Variants in TES observed in about 807,000 individuals in gnomAD.
TES encodes testin LIM domain protein, also known as testin.
In TES, 41 loss-of-function variants were observed where a neutral mutation model predicts 48.2. The ratio of observed to expected loss-of-function variants is 0.85; its 90% CI spans 0.66 to 1.10. The LOEUF (loss-of-function observed/expected upper bound fraction) is 1.10, where lower values mean the gene tolerates loss of function less well. Ranked by LOEUF, TES falls within the 50% of genes least tolerant of loss-of-function variation. The pLI, the probability that TES is intolerant of heterozygous loss-of-function variation, is 0.00. For synonymous variants in TES, 162 were observed against 174.9 expected, an observed-to-expected ratio of 0.93 and a Z score of 0.58; for missense variants, 463 against 515.1, an observed-to-expected ratio of 0.90 and a Z score of 0.98.
intron 6 of TES, among the ~76,000 whole-genome samples, chr7:116,256,613 G>A (rs1218769086): frequency 6.6e-6 from 1 of 152,126 alleles, no homozygotes; most frequent in Non-Finnish European, 1.5e-5. Flanking sequence ...GTATGTTTGT[G>A]TATGTATATA....
chr7:116,239,744 A>C (rs1234049422), intron 2 of TES, among the ~76,000 whole-genome samples: 1 of 152,208 alleles, frequency 6.6e-6, no homozygotes, highest in African/African-American at 2.4e-5. Flanking sequence ...ACAGTAGAGG[A>C]AAATAAAAGG....
intron 1 of TES, among the ~76,000 whole-genome samples, chr7:116,231,815 C>T (rs1439688818): frequency 6.6e-6 from 1 of 152,120 alleles, no homozygotes; most frequent in Non-Finnish European, 1.5e-5. Flanking sequence ...TGCTGGTCAG[C>T]TGTGAAGCAG....
intron 2 of TES, among the ~76,000 whole-genome samples, chr7:116,241,228 A>G (rs1008817827): frequency 2.0e-5 from 3 of 152,226 alleles, no homozygotes; most frequent in African/African-American, 7.2e-5. Flanking sequence ...GGTATTTCTA[A>G]AAGTAAAATG....
chr7:116,228,549 T>C (rs995849775), intron 1 of TES, among the ~76,000 whole-genome samples: 2 of 152,224 alleles, frequency 1.3e-5, no homozygotes, highest in African/African-American at 4.8e-5. Context: ...TCACATTTAC[T>C]GTTGAAATTA....
At position 116,251,783 on chromosome 7, in the gene TES, T is replaced by C. The variant is rs1367462840; in HGVS notation, c.726T>C (p.Ser242=). 2 of 1,613,868 alleles carry C rather than the reference T, an allele frequency of 1.2e-6. No homozygotes were observed. Among genetic ancestry groups the C allele is most frequent in the Admixed American group, 3.3e-5 (2 of 60,014 alleles). Residue 242 remains serine, a synonymous_variant, in exon 5 of 7, where the codon AGT becomes AGC. Transcript: ENST00000358204. The stretch of plus-strand genomic sequence containing the variant: ...AGTCCTGCTATTGCTGCAAACTGAG[T>C]ATGAAAGAAGGTGACCCAGCCATCT... ...TQYSCYCCKL[S]MKEGDPAIYA...
chr7:116,231,777 C>T (rs896773488), intron 1 of TES, among the ~76,000 whole-genome samples: 2 of 152,086 alleles, frequency 1.3e-5, no homozygotes, highest in Admixed American at 6.6e-5. Context: ...TCTGTTCTGT[C>T]AGTCTTAGGT....
chr7:116,214,857 C>G (rs1038181861), intron 1 of TES, among the ~76,000 whole-genome samples: 1 of 152,120 alleles, frequency 6.6e-6, no homozygotes, highest in Non-Finnish European at 1.5e-5. Context: ...ACTGCACACT[C>G]CTCTAGGAAA....
intron 2 of TES, chr7:116,237,851 T>TGG (rs1358339617): frequency 1.3e-5 from 2 of 151,978 alleles, no homozygotes; most frequent in African/African-American, 4.8e-5. Flanking sequence ...TGGGTGTGTG[T>TGG]GTGTGTGTCT....
chr7:116,244,541 G>T (rs915654921), intron 2 of TES, among the ~76,000 whole-genome samples: 1 of 152,248 alleles, frequency 6.6e-6, no homozygotes. Flanking sequence ...CTCCGCCCCT[G>T]TGGCTTTGCA....
rs924868720 is a variant in TES at position 116,250,502 on chromosome 7, T to C, written c.702+6T>C. The C allele has an allele frequency of 2.6e-6, 4 of 1,511,140 alleles. No individual in the cohort carries two copies. Among genetic ancestry groups the C allele is most frequent in the Non-Finnish European group, 3.5e-6 (4 of 1,131,654 alleles). The allele number at this position is 1,511,140 out of a possible 1,614,324, so 93.6% of individuals were successfully genotyped here. ...AGCACAAAAGAACTCAATATGTAAG[T>C]AGAGTGGTCACACTGTTAGCCTGAT... On this transcript the variant is annotated splice_donor_region_variant and intron_variant, in intron 4 of 6. Transcript: ENST00000358204.
chr7:116,257,248 T>C, intron 6 of TES, 46 bp from the exon 7 acceptor site: 1 of 1,515,464 alleles, frequency 6.6e-7, no homozygotes, highest in Non-Finnish European at 8.9e-7. Flanking sequence ...ATGTTACCAT[T>C]ACAGCTTGAT....
intron 2 of TES, among the ~76,000 whole-genome samples, chr7:116,245,699 A>T (rs1285483907): frequency 6.6e-6 from 1 of 152,122 alleles, no homozygotes; most frequent in Non-Finnish European, 1.5e-5. Context: ...ACACCCTTTA[A>T]AGTACCAGTT....
intron 1 of TES, among the ~76,000 whole-genome samples, chr7:116,214,174 TATG>T (rs1292234660): frequency 1.3e-5 from 2 of 152,170 alleles, no homozygotes; most frequent in African/African-American, 4.8e-5. Context: ...TTTTTAAAAA[TATG>T]ATGCATTTTA....
At chr7:116,241,472 C>T (rs377168687) in intron 2 of TES, among the ~76,000 whole-genome samples, 60 of 152,218 alleles carry the variant, frequency 3.9e-4, no homozygotes, top group African/African-American at 1.4e-3. Flanking sequence ...GGGATGTGGT[C>T]ATCCCAACTG....
At chr7:116,238,251 A>G (rs576515939) in intron 2 of TES, 1 of 152,216 alleles carries the variant, frequency 6.6e-6, no homozygotes, top group Admixed American at 6.5e-5. Context: ...GAAATAGCAC[A>G]GAGTACTGAG....
At chr7:116,223,933 T>C (rs1471910978) in intron 1 of TES, among the ~76,000 whole-genome samples, 2 of 152,222 alleles carry the variant, frequency 1.3e-5, no homozygotes, top group Non-Finnish European at 2.9e-5. Flanking sequence ...CACCTACTAG[T>C]AGTCACACCC....
At chr7:116,246,808 C>T (rs1799930989) in intron 2 of TES, among the ~76,000 whole-genome samples, 1 of 152,100 alleles carries the variant, frequency 6.6e-6, no homozygotes, top group Admixed American at 6.5e-5. Context: ...AGTTTGAAGT[C>T]CAAATTACAC....
intron 2 of TES, among the ~76,000 whole-genome samples, chr7:116,236,180 T>A (rs1799768598): frequency 6.6e-6 from 1 of 152,204 alleles, no homozygotes; most frequent in African/African-American, 2.4e-5. Flanking sequence ...TATTTTCTAT[T>A]GGGCCTATTA....
chr7:116,257,195 G>T, intron 6 of TES, 99 bp from the exon 7 acceptor site: 2 of 1,298,770 alleles, frequency 1.5e-6, no homozygotes, highest in Non-Finnish European at 2.1e-6. Flanking sequence ...TTGTCATTAT[G>T]AGTTTTAATT....
Sources: gnomAD v4.1 joint callset for allele counts (sites outside exome capture counted in the v4.1 genomes callset) on GRCh38, gnomAD v4.1.1 for gene constraint, MANE v1.5 for transcripts, NCBI Gene and HGNC (gene_info 2026-07-23, HGNC 2026-07-21) for gene names.